The following SLC35D1 variants were observed in gnomAD, a reference collection of about 807,000 sequenced individuals.
SLC35D1 encodes solute carrier family 35 member D1.
SLC35D1 carries 31 observed loss-of-function variants against 46.7 expected under a neutral mutation model. The observed-to-expected ratio is 0.66, with a 90% CI of 0.50 to 0.90. The LOEUF (loss-of-function observed/expected upper bound fraction) is 0.90, where lower values mean the gene tolerates loss of function less well. SLC35D1 is among the 40% of genes least tolerant of loss of function. The pLI is 0.00. For missense variants in SLC35D1, 397 were observed against 426.2 expected (o/e 0.93, Z 0.60); for synonymous variants, 195 against 164.6 (o/e 1.18, Z -1.41).
intron 4 of SLC35D1, among the ~76,000 whole-genome samples, chr1:67,051,058 G>C (rs1645303290): frequency 6.6e-6 from 1 of 151,470 alleles, no homozygotes. Context: ...TGAATGAATG[G>C]TTGGATGAGA....
Position 67,001,143 on chromosome 1 carries a change from C to T in SLC35D1, c.*3197G>A, listed in dbSNP as rs1016686458. ...GAGCTGCTCACTAAGTCTTTGCTCA[C>T]TGAACGAGGCTATCAAGTAAGGCAG... On this transcript the variant is annotated 3_prime_UTR_variant, in exon 12 of 12. Coordinates refer to ENST00000235345, the MANE Select transcript of SLC35D1 (RefSeq NM_015139.3). The T allele has an allele frequency of 6.6e-6, 1 of 152,290 alleles. No individual in the cohort carries two copies. Among genetic ancestry groups the T allele is most frequent in the East Asian group, 1.9e-4 (1 of 5,328 alleles). 9.4% of individuals were successfully genotyped at this position (152,290 alleles called of 1,614,324 possible).
At chr1:67,035,577 C>T (rs1452008642) in intron 8 of SLC35D1, among the ~76,000 whole-genome samples, 3 of 151,686 alleles carry the variant, frequency 2.0e-5, no homozygotes, top group African/African-American at 7.3e-5. Context: ...TTTGGGTCTT[C>T]TCTCTTTTTT....
chr1:66,984,629 G>C, the SLC35D1 span: 2 of 1,613,274 alleles, frequency 1.2e-6, no homozygotes, highest in Non-Finnish European at 1.7e-6. Flanking sequence ...AAAGTTGAAG[G>C]GTTACACATT....
intron 7 of SLC35D1, among the ~76,000 whole-genome samples, chr1:67,043,204 A>AAAT (rs1553267989): frequency 6.6e-6 from 1 of 151,228 alleles, no homozygotes; most frequent in Non-Finnish European, 1.5e-5. Context: ...TCAAAAAAAA[A>AAAT]AACAAAAAAA....
chr1:67,048,851 T>C (rs756372806), intron 6 of SLC35D1, among the ~76,000 whole-genome samples: 82 of 152,240 alleles, frequency 5.4e-4, no homozygotes, highest in Non-Finnish European at 9.4e-4. Context: ...TAATAGAATA[T>C]CTAAGTTATG....
At chr1:67,028,855 T>C (rs1191383429) in intron 8 of SLC35D1, among the ~76,000 whole-genome samples, 1 of 152,170 alleles carries the variant, frequency 6.6e-6, no homozygotes, top group Non-Finnish European at 1.5e-5. Context: ...TCCTTCCACT[T>C]TATTTTTCAA....
At chr1:67,048,343 GTTTGGTACAAT>G (rs1369027883) in intron 6 of SLC35D1, among the ~76,000 whole-genome samples, 1 of 152,196 alleles carries the variant, frequency 6.6e-6, no homozygotes, top group African/African-American at 2.4e-5. Flanking sequence ...AACCCCTGTT[GTTTGGTACAAT>G]TTTGGGTCCC....
At chr1:66,977,395 C>CATA in the SLC35D1 span, among the ~76,000 whole-genome samples, 1 of 152,086 alleles carries the variant, frequency 6.6e-6, no homozygotes, top group Non-Finnish European at 1.5e-5. Context: ...CAGGAGTGAG[C>CATA]CACTGTACCC....
the SLC35D1 span, among the ~76,000 whole-genome samples, chr1:66,975,274 C>G: frequency 6.6e-6 from 1 of 152,164 alleles, no homozygotes; most frequent in Non-Finnish European, 1.5e-5. Context: ...TGCCTGTTAT[C>G]TCAGTACTTT....
chr1:67,046,530 A>G (rs1645252583), intron 7 of SLC35D1, among the ~76,000 whole-genome samples: 1 of 152,234 alleles, frequency 6.6e-6, no homozygotes, highest in Admixed American at 6.5e-5. Context: ...ATCTAAGATA[A>G]GTATCTCATA....
At chr1:67,046,584 T>A (rs1313711591) in intron 7 of SLC35D1, among the ~76,000 whole-genome samples, 1 of 152,232 alleles carries the variant, frequency 6.6e-6, no homozygotes, top group Non-Finnish European at 1.5e-5. Context: ...GGACAATTCC[T>A]TCAATTAGCC....
At chr1:66,996,586 C>T (rs1319303190), downstream of SLC35D1, among the ~76,000 whole-genome samples, 1 of 152,168 alleles carries the variant, frequency 6.6e-6, no homozygotes, top group Non-Finnish European at 1.5e-5. Flanking sequence ...CCCCAGTGAA[C>T]TCAGTCTGGC....
intron 8 of SLC35D1, among the ~76,000 whole-genome samples, chr1:67,029,598 G>T (rs1023501902): frequency 1.3e-5 from 2 of 152,150 alleles, no homozygotes; most frequent in African/African-American, 4.8e-5. Flanking sequence ...ACTAGTGGCA[G>T]TAGATTAAAC....
At chr1:67,023,235 C>T (rs770498719) in intron 8 of SLC35D1, among the ~76,000 whole-genome samples, 13 of 152,222 alleles carry the variant, frequency 8.5e-5, no homozygotes, top group East Asian at 1.9e-4. Flanking sequence ...TCTTTAACTT[C>T]GTAAGAAACT....
rs958880230 is a variant in SLC35D1, at chr1:67,004,501, A to G, written c.960-53T>C. 11 of 1,493,080 alleles carry G rather than the reference A, an allele frequency of 7.4e-6. No homozygotes were observed. The Middle Eastern group carries it at 6.8e-4, about 93-fold the overall frequency. The allele number at this position is 1,493,080 out of a possible 1,614,324, so 92.5% of individuals were successfully genotyped here. A position where few individuals can be genotyped will look rare whatever the true frequency, so the allele number is the denominator to read the frequency against. On this transcript the variant is annotated intron_variant, in intron 11 of 11. Transcript: ENST00000235345. The stretch of plus-strand genomic sequence containing the variant: ...ATGGAGGAAGGGAGGGTTTTAGTGT[A>G]AACACTCTACTCAGTAAAAAAACTT...
chr1:66,985,755 G>T, the SLC35D1 span: 101 of 965,020 alleles, frequency 1.0e-4, no homozygotes, highest in Non-Finnish European at 1.2e-4. Context: ...AAGTGTTTGT[G>T]TAGTAATTAA....
In SLC35D1 at chr1:67,000,248, C is replaced by T. The variant is rs1570599305; in HGVS notation, c.*4092G>A. ...GTGAGCTGCTATGATTACGCCATTA[C>T]ACTCCAGCCTGGCTGGCGACAGAGC... On this transcript the variant is annotated 3_prime_UTR_variant, in exon 12 of 12. Transcript: ENST00000235345. 4 of 149,806 alleles carry T rather than the reference C, an allele frequency of 2.7e-5. No homozygotes were observed. The allele number at this position is 149,806 out of a possible 1,614,324, so 9.3% of individuals were successfully genotyped here.
intron 7 of SLC35D1, among the ~76,000 whole-genome samples, chr1:67,043,550 CA>C (rs1645218713): frequency 1.3e-5 from 2 of 151,996 alleles, no homozygotes; most frequent in Non-Finnish European, 2.9e-5. Context: ...GGCTCAAAAA[CA>C]AAACAAACAA....
At chr1:66,996,800 A>C (rs1330824817), downstream of SLC35D1, among the ~76,000 whole-genome samples, 2 of 152,322 alleles carry the variant, frequency 1.3e-5, no homozygotes, top group African/African-American at 4.8e-5. Context: ...GTGAGACAAG[A>C]AGCTATCAAA....
Sources: gnomAD v4.1 joint callset for allele counts (sites outside exome capture counted in the v4.1 genomes callset) on GRCh38, gnomAD v4.1.1 for gene constraint, MANE v1.5 for transcripts, NCBI Gene and HGNC (gene_info 2026-07-23, HGNC 2026-07-21) for gene names.